OSBPL9: variants seen among roughly 807,000 people sequenced by gnomAD.
OSBPL9 encodes the protein oxysterol binding protein like 9.
Under a neutral mutation model 106.6 loss-of-function variants are expected in OSBPL9, and 40 were observed. The observed-to-expected ratio is 0.38, with a 90% CI of 0.29 to 0.49. The LOEUF is 0.49. Among genes scored for constraint, OSBPL9 ranks in the 20% least tolerant of loss-of-function variants. The pLI, the probability that OSBPL9 is intolerant of heterozygous loss-of-function variation, is 0.97. For synonymous variants in OSBPL9, 269 were observed against 295.4 expected, an observed-to-expected ratio of 0.91 and a Z score of 0.92; for missense variants, 609 against 887.2, an observed-to-expected ratio of 0.69 and a Z score of 3.98.
intron 3 of OSBPL9, among the ~76,000 whole-genome samples, chr1:51,683,049 G>A (rs1366382035): frequency 6.6e-6 from 1 of 151,860 alleles, no homozygotes; most frequent in Non-Finnish European, 1.5e-5. Flanking sequence ...GCTTATTTTT[G>A]TATTTTTAGT....
At chr1:51,607,419 C>T (rs1265001612) in intron 2 of OSBPL9, among the ~76,000 whole-genome samples, 1 of 152,100 alleles carries the variant, frequency 6.6e-6, no homozygotes, top group Non-Finnish European at 1.5e-5. Context: ...GGCTCAGCCT[C>T]CCAAAGAGCT....
At chr1:51,563,877 C>T in the OSBPL9 span, 1 of 151,652 alleles carries the variant, frequency 6.6e-6, no homozygotes, top group African/African-American at 2.4e-5. Flanking sequence ...CCCAGGAGTT[C>T]AAGACCGGCC....
At chr1:51,693,739 T>G (rs1655459230) in intron 3 of OSBPL9, among the ~76,000 whole-genome samples, 1 of 152,250 alleles carries the variant, frequency 6.6e-6, no homozygotes, top group Admixed American at 6.5e-5. Context: ...TGAATTAATG[T>G]GAGCTGATTT....
At chr1:51,649,421 T>C (rs1646369556) in intron 1 of OSBPL9, among the ~76,000 whole-genome samples, 1 of 152,202 alleles carries the variant, frequency 6.6e-6, no homozygotes, top group South Asian at 2.1e-4. Context: ...TTCAGTCTTA[T>C]CTGTAAGTTC....
At chr1:51,621,321 A>ATAG (rs900523527) in intron 1 of OSBPL9, among the ~76,000 whole-genome samples, 1 of 151,950 alleles carries the variant, frequency 6.6e-6, no homozygotes, top group African/African-American at 2.4e-5. Flanking sequence ...GGCCAACACT[A>ATAG]TCTCTGCTAA....
chr1:51,781,140 A>T, intron 15 of OSBPL9, 24 bp from the exon 16 acceptor site: 1 of 1,610,094 alleles, frequency 6.2e-7, no homozygotes, highest in Non-Finnish European at 8.5e-7. Context: ...GCAGGACATT[A>T]AATTTTGTCT....
At chr1:51,652,812 A>G (rs936692630) in intron 2 of OSBPL9, among the ~76,000 whole-genome samples, 6 of 152,234 alleles carry the variant, frequency 3.9e-5, no homozygotes, top group Non-Finnish European at 8.8e-5. Flanking sequence ...GGTAAAGGCA[A>G]GAAAGAATGC....
chr1:51,722,238 C>T (rs977896215), intron 4 of OSBPL9, among the ~76,000 whole-genome samples: 6 of 152,176 alleles, frequency 3.9e-5, no homozygotes, highest in African/African-American at 1.4e-4. Context: ...CAGTTTCACT[C>T]ATCTTGTGGC....
intron 1 of OSBPL9, among the ~76,000 whole-genome samples, chr1:51,580,958 T>G (rs1645218537): frequency 1.1e-5 from 1 of 91,386 alleles, no homozygotes; most frequent in Non-Finnish European, 2.2e-5. Flanking sequence ...ATATATAACT[T>G]TTTTGAAACA....
chr1:51,581,893 G>A (rs1355058645), intron 1 of OSBPL9, among the ~76,000 whole-genome samples: 2 of 152,082 alleles, frequency 1.3e-5, no homozygotes, highest in Non-Finnish European at 2.9e-5. Flanking sequence ...CCATCATTGT[G>A]ATTTTTGAAC....
the OSBPL9 span, among the ~76,000 whole-genome samples, chr1:51,518,897 G>A: frequency 1.3e-5 from 2 of 151,556 alleles, no homozygotes; most frequent in East Asian, 3.9e-4. Flanking sequence ...GCCCGGCACC[G>A]GCAGAGCGCG....
At chr1:51,617,670 T>G (rs1007137204) in intron 1 of OSBPL9, among the ~76,000 whole-genome samples, 13 of 152,138 alleles carry the variant, frequency 8.5e-5, no homozygotes, top group African/African-American at 3.1e-4. Context: ...CTCTGCTTCC[T>G]CGGAGGAGTG....
chr1:51,788,637 C>G lies in OSBPL9; in HGVS notation c.*848C>G, dbSNP rs773929431. ...CTTTAGCCCCTGCCAGGCAATTCCCCAGAATCTTCACTTAACTCATATTGC... is the reference window on the plus strand; with the variant it reads ...CTTTAGCCCCTGCCAGGCAATTCCCGAGAATCTTCACTTAACTCATATTGC... On this transcript the variant is annotated 3_prime_UTR_variant, in exon 24 of 24. Coordinates refer to ENST00000428468, the MANE Select transcript of OSBPL9 (RefSeq NM_024586.6). 2.0e-5 allele frequency among the ~76,000 whole-genome samples: 3 copies of G among 152,134 alleles called. No individual in the cohort carries two copies. Among genetic ancestry groups the G allele is most frequent in the Non-Finnish European group, 2.9e-5 (2 of 68,022 alleles).
intron 15 of OSBPL9, among the ~76,000 whole-genome samples, chr1:51,778,626 T>G (rs1675601815): frequency 6.6e-6 from 1 of 152,104 alleles, no homozygotes; most frequent in African/African-American, 2.4e-5. Flanking sequence ...AGCTTCAAAA[T>G]ACATGCAGCA....
chr1:51,634,597 A>C (rs1472645226), intron 1 of OSBPL9, among the ~76,000 whole-genome samples: 1 of 152,196 alleles, frequency 6.6e-6, no homozygotes, highest in African/African-American at 2.4e-5. Flanking sequence ...ACTCAAAGAA[A>C]GGCCAACTGA....
chr1:51,759,247 C>T (rs76419119), intron 9 of OSBPL9, among the ~76,000 whole-genome samples: 3,291 of 151,918 alleles, frequency 0.022, 67 homozygotes, highest in African/African-American at 0.056. Context: ...GTCACTTGAT[C>T]GAAAAGACCT....
chr1:51,573,718 G>C (rs1464748931), upstream of OSBPL9, among the ~76,000 whole-genome samples: 1 of 151,074 alleles, frequency 6.6e-6, no homozygotes, highest in Non-Finnish European at 1.5e-5. Flanking sequence ...GGAGGCTGAG[G>C]CAGGAGAATC....
intron 1 of OSBPL9, among the ~76,000 whole-genome samples, chr1:51,649,356 CCA>C (rs1192439697): frequency 6.6e-6 from 1 of 152,146 alleles, no homozygotes; most frequent in Non-Finnish European, 1.5e-5. Flanking sequence ...AGTGATCTGC[CCA>C]CCTCAGTCTC....
At chr1:51,519,027 G>C in the OSBPL9 span, among the ~76,000 whole-genome samples, 4 of 151,336 alleles carry the variant, frequency 2.6e-5, no homozygotes, top group Non-Finnish European at 5.9e-5. Flanking sequence ...CTCCGGCTCC[G>C]GAGGGCGCCC....
Sources: gnomAD v4.1 joint callset for allele counts (sites outside exome capture counted in the v4.1 genomes callset) on GRCh38, gnomAD v4.1.1 for gene constraint, MANE v1.5 for transcripts, NCBI Gene and HGNC (gene_info 2026-07-23, HGNC 2026-07-21) for gene names.